Variants in SUCLG2 observed in about 807,000 individuals in gnomAD.
The protein encoded by SUCLG2 is succinate--CoA ligase [GDP-forming] subunit beta, mitochondrial.
SUCLG2 carries 42 observed loss-of-function variants against 47.9 expected under a neutral mutation model. The observed-to-expected ratio is 0.88, with a 90% CI of 0.69 to 1.14. The LOEUF is 1.14. SUCLG2 is among the 50% of genes most tolerant of loss of function. The probability of loss-of-function intolerance (pLI) is 0.00; values close to 1 mark genes in which losing one functional copy is unlikely to be tolerated. For synonymous variants in SUCLG2, 195 were observed against 197.3 expected, an observed-to-expected ratio of 0.99 and a Z score of 0.10; for missense variants, 571 against 525.9, an observed-to-expected ratio of 1.09 and a Z score of -0.84.
At chr3:67,495,509 G>A (rs1705310651) in intron 9 of SUCLG2, among the ~76,000 whole-genome samples, 1 of 151,928 alleles carries the variant, frequency 6.6e-6, no homozygotes, top group Non-Finnish European at 1.5e-5. Context: ...AAAGTTAGCT[G>A]GGCGTTGTGG....
chr3:67,647,923 T>A (rs1376028), intron 1 of SUCLG2, among the ~76,000 whole-genome samples: 1 of 152,126 alleles, frequency 6.6e-6, no homozygotes, highest in Admixed American at 6.5e-5. Context: ...CAGTGACTAA[T>A]CCTGAGATGG....
chr3:67,496,702 T>C (rs962059797), intron 8 of SUCLG2, among the ~76,000 whole-genome samples: 4 of 152,176 alleles, frequency 2.6e-5, no homozygotes, highest in African/African-American at 9.6e-5. Context: ...AGAGTTTTAA[T>C]ATCAAAAGTC....
intron 10 of SUCLG2, among the ~76,000 whole-genome samples, chr3:67,364,403 G>A (rs1028748784): frequency 6.8e-6 from 1 of 147,446 alleles, no homozygotes; most frequent in Non-Finnish European, 1.5e-5. Context: ...GTCAGAGGAG[G>A]CCTAACAGAC....
rs151047642 is a variant in SUCLG2 at position 67,641,659 on chromosome 3, T to C, written c.84+12844A>G. Among the ~76,000 whole-genome samples, 341 of 152,314 alleles carry C rather than the reference T, an allele frequency of 2.2e-3. 2 individuals carry two copies. The highest frequency in any genetic ancestry group is 7.8e-3 in the African/African-American group (325 of 41,570). ...AAATGTACAGACCACAAAAAGTTCA[T>C]TGATGTGTGTATTAGTATCCTAGGA... is the stretch of plus-strand genomic sequence containing the variant. On this transcript the variant is annotated intron_variant, in intron 1 of 10. Transcript: ENST00000307227.
intron 9 of SUCLG2, among the ~76,000 whole-genome samples, chr3:67,410,967 G>T (rs140994346): frequency 6.6e-6 from 1 of 152,098 alleles, no homozygotes. Context: ...GCCATATTTT[G>T]TTCAATCATC....
At chr3:67,404,624 A>C (rs1244527113) in intron 9 of SUCLG2, among the ~76,000 whole-genome samples, 1 of 152,066 alleles carries the variant, frequency 6.6e-6, no homozygotes, top group Non-Finnish European at 1.5e-5. Flanking sequence ...GGGTGGTGAG[A>C]AGATCCCACT....
At chr3:67,406,669 G>A (rs1702818184) in intron 9 of SUCLG2, among the ~76,000 whole-genome samples, 3 of 152,206 alleles carry the variant, frequency 2.0e-5, no homozygotes, top group Admixed American at 6.5e-5. Context: ...GGCCTGAGAA[G>A]TAGAGTGATG....
chr3:67,419,552 T>G (rs1575682989), intron 9 of SUCLG2, among the ~76,000 whole-genome samples: 1 of 152,186 alleles, frequency 6.6e-6, no homozygotes, highest in Non-Finnish European at 1.5e-5. Context: ...GGAAACAATT[T>G]AAACTCAAAT....
chr3:67,578,793 CA>C (rs373118941), intron 2 of SUCLG2, among the ~76,000 whole-genome samples: 1 of 152,230 alleles, frequency 6.6e-6, no homozygotes, highest in African/African-American at 2.4e-5. Flanking sequence ...TCTCACTGGT[CA>C]AAGTCAGTCA....
At chr3:67,654,050 T>C (rs1383043613) in intron 1 of SUCLG2, among the ~76,000 whole-genome samples, 1 of 152,226 alleles carries the variant, frequency 6.6e-6, no homozygotes. Flanking sequence ...GGGGGTGAGT[T>C]CCTAGTTGGG....
Position 67,384,063 on chromosome 3 carries a change from C to T in SUCLG2, c.1184-8204G>A, listed in dbSNP as rs1001086465. 5.3e-5 allele frequency among the ~76,000 whole-genome samples: 8 copies of T among 152,244 alleles called. No homozygotes were observed. The South Asian group carries it at 1.5e-3, about 28-fold the overall frequency. On this transcript the variant is annotated intron_variant, in intron 10 of 10. Coordinates refer to ENST00000307227, the MANE Select transcript of SUCLG2 (RefSeq NM_003848.4). ...CAGTGTGAGACTTTTGTCGAAAATG[C>T]TGACTTTGGTCCACCATTACTGCCT...
In SUCLG2 at chr3:67,496,074, C is replaced by T. The variant is rs1358000617; in HGVS notation, c.920-134G>A. The T allele has an allele frequency of 3.8e-6, 4 of 1,048,740 alleles. No homozygotes were observed. The East Asian group carries it at 1.0e-4, about 27-fold the overall frequency. The allele number at this position is 1,048,740 out of a possible 1,614,324, so 65.0% of individuals were successfully genotyped here. On this transcript the variant is annotated intron_variant, in intron 8 of 10. Transcript: ENST00000307227. ...GCCAATTTATATCCTGTTTGGAATT[C>T]CATTAAACCAGATTAGTTCATAGAC...
chr3:67,418,999 G>C (rs1164014565), intron 9 of SUCLG2, among the ~76,000 whole-genome samples: 4 of 151,650 alleles, frequency 2.6e-5, no homozygotes, highest in Non-Finnish European at 4.4e-5. Context: ...AAAAAAAAAA[G>C]GTCTGCACAA....
intron 1 of SUCLG2, among the ~76,000 whole-genome samples, chr3:67,649,461 A>C (rs1047217894): frequency 3.9e-5 from 6 of 152,164 alleles, no homozygotes; most frequent in African/African-American, 1.4e-4. Flanking sequence ...GGTTAATTTT[A>C]TTCCCTGCTG....
At chr3:67,641,826 T>A (rs766947186) in intron 1 of SUCLG2, among the ~76,000 whole-genome samples, 23 of 152,264 alleles carry the variant, frequency 1.5e-4, no homozygotes, top group Admixed American at 4.6e-4. Context: ...GAAGGGTTGG[T>A]TTCTTCTGAG....
chr3:67,414,856 A>G (rs954341388), intron 9 of SUCLG2, among the ~76,000 whole-genome samples: 1 of 151,476 alleles, frequency 6.6e-6, no homozygotes, highest in African/African-American at 2.4e-5. Context: ...GAAAATTTCT[A>G]TTTCTTTTTT....
chr3:67,393,100 G>C (rs1702430072), intron 10 of SUCLG2, among the ~76,000 whole-genome samples: 1 of 152,250 alleles, frequency 6.6e-6, no homozygotes, highest in Non-Finnish European at 1.5e-5. Context: ...CGACGCAGAA[G>C]ACGGGTGATT....
chr3:67,560,599 C>A (rs186680393), intron 2 of SUCLG2, among the ~76,000 whole-genome samples: 3 of 152,036 alleles, frequency 2.0e-5, no homozygotes, highest in East Asian at 3.9e-4. Flanking sequence ...TACACAAAGC[C>A]GGTGAGGTAC....
chr3:67,468,904 T>A (rs970995341), intron 9 of SUCLG2, among the ~76,000 whole-genome samples: 2 of 152,198 alleles, frequency 1.3e-5, no homozygotes, highest in African/African-American at 4.8e-5. Flanking sequence ...AGAAAGAGTA[T>A]AATTTGAGAA....
Sources: gnomAD v4.1 joint callset for allele counts (sites outside exome capture counted in the v4.1 genomes callset) on GRCh38, gnomAD v4.1.1 for gene constraint, MANE v1.5 for transcripts, NCBI Gene and HGNC (gene_info 2026-07-23, HGNC 2026-07-21) for gene names.